Variants in TBCK observed in about 807,000 individuals in gnomAD.
TBCK encodes the protein TBC domain-containing protein kinase-like protein.
Under a neutral mutation model 113.4 loss-of-function variants are expected in TBCK, and 99 were observed. The observed-to-expected ratio is 0.87, with a 90% CI of 0.74 to 1.03. The LOEUF (loss-of-function observed/expected upper bound fraction) is 1.03, where lower values mean the gene tolerates loss of function less well. Among genes scored for constraint, TBCK ranks in the 50% least tolerant of loss-of-function variants. The pLI, the probability that TBCK is intolerant of heterozygous loss-of-function variation, is 0.00. For synonymous variants in TBCK, 369 were observed against 370.8 expected, an observed-to-expected ratio of 1.00 and a Z score of 0.05; for missense variants, 1,045 against 1,061.3, an observed-to-expected ratio of 0.98 and a Z score of 0.21.
chr4:106,183,463 C>T (rs1752638026), intron 22 of TBCK, among the ~76,000 whole-genome samples: 1 of 152,018 alleles, frequency 6.6e-6, no homozygotes, highest in African/African-American at 2.4e-5. Flanking sequence ...ATGAGCCTCA[C>T]ATATCTGTGT....
At chr4:106,271,834 A>G (rs528094968) in intron 3 of TBCK, among the ~76,000 whole-genome samples, 1 of 152,266 alleles carries the variant, frequency 6.6e-6, no homozygotes, top group African/African-American at 2.4e-5. Context: ...CAAAGAGCAC[A>G]TTGATTTCTA....
chr4:106,304,821 C>T (rs115729230), intron 2 of TBCK, among the ~76,000 whole-genome samples: 1,722 of 152,204 alleles, frequency 0.011, 34 homozygotes, highest in African/African-American at 0.04. Context: ...GGAAATTATC[C>T]TCTCCTACAC....
chr4:106,308,711 A>C lies in TBCK; in HGVS notation c.193+57T>G, dbSNP rs139382902. On this transcript the variant is annotated intron_variant, in intron 2 of 25. Transcript: ENST00000394708. ...TATATATTTAGTGGATATAGTATTT[A>C]TAACTTAGGGTAACAAAGTAGAGAA... 3.4e-5 allele frequency: 50 copies of C among 1,477,454 alleles called. No individual in the cohort carries two copies. The South Asian group carries it at 6.3e-4, about 19-fold the overall frequency. The allele number at this position is 1,477,454 out of a possible 1,614,324, so 91.5% of individuals were successfully genotyped here. A position where few individuals can be genotyped will look rare whatever the true frequency, so the allele number is the denominator to read the frequency against.
intron 19 of TBCK, among the ~76,000 whole-genome samples, chr4:106,221,291 G>A (rs1014917184): frequency 6.6e-6 from 1 of 152,016 alleles, no homozygotes; most frequent in Non-Finnish European, 1.5e-5. Context: ...GGCCAACACT[G>A]ATGATTGGAT....
intron 7 of TBCK, 125 bp from the exon 8 acceptor site, chr4:106,249,107 C>A: frequency 3.6e-6 from 2 of 550,634 alleles, no homozygotes; most frequent in Non-Finnish European, 6.1e-6. Context: ...ATACTGAAAA[C>A]TTTATCATTT....
At chr4:106,107,928 T>A (rs1339064545) in intron 24 of TBCK, among the ~76,000 whole-genome samples, 2 of 152,042 alleles carry the variant, frequency 1.3e-5, no homozygotes, top group African/African-American at 2.4e-5. Flanking sequence ...CAATTAGAAA[T>A]GACTAATGAA....
At chr4:106,180,278 A>G (rs1228821435) in intron 22 of TBCK, among the ~76,000 whole-genome samples, 1 of 151,800 alleles carries the variant, frequency 6.6e-6, no homozygotes, top group Non-Finnish European at 1.5e-5. Flanking sequence ...TGCTACTGTT[A>G]TTTTATTACT....
chr4:106,310,898 G>C (rs900237013), intron 1 of TBCK, among the ~76,000 whole-genome samples: 1 of 152,008 alleles, frequency 6.6e-6, no homozygotes, highest in Admixed American at 6.6e-5. Context: ...GATTTGAGGA[G>C]ATATTGCATC....
At chr4:106,264,929 T>C (rs1341564455) in intron 3 of TBCK, among the ~76,000 whole-genome samples, 3 of 151,944 alleles carry the variant, frequency 2.0e-5, no homozygotes, top group African/African-American at 2.4e-5. Context: ...GCATTCTTTA[T>C]TAATGGCGAG....
At position 106,241,334 on chromosome 4, in the gene TBCK, CTT is replaced by C. The variant is rs908735713; in HGVS notation, c.1170+1134_1170+1135del. ...AATACATCAATTCTCTACAAATTAACTTATCAATTCAATGCAATGTCAATCAA... is the reference window on the plus strand; with the variant it reads ...AATACATCAATTCTCTACAAATTAACATCAATTCAATGCAATGTCAATCAA... On this transcript the variant is annotated intron_variant, in intron 12 of 25. Coordinates refer to ENST00000394708, the MANE Select transcript of TBCK (RefSeq NM_001163435.3). 2.6e-5 allele frequency among the ~76,000 whole-genome samples: 4 copies of C among 151,896 alleles called. No homozygotes were observed. In the South Asian group the frequency reaches 6.2e-4, roughly 24 times the overall value.
At chr4:106,076,472 T>C (rs1283465740) in intron 25 of TBCK, among the ~76,000 whole-genome samples, 1 of 152,172 alleles carries the variant, frequency 6.6e-6, no homozygotes, top group East Asian at 1.9e-4. Flanking sequence ...ATAGACACTA[T>C]GGCTTTAGTG....
intron 23 of TBCK, among the ~76,000 whole-genome samples, chr4:106,125,356 ATATT>A (rs1745064982): frequency 1.3e-5 from 2 of 152,302 alleles, no homozygotes; most frequent in East Asian, 1.9e-4. Flanking sequence ...AAGAAAATAT[ATATT>A]TATTAATATA....
chr4:106,311,918 A>T (rs1024426947), intron 1 of TBCK, among the ~76,000 whole-genome samples: 3 of 152,288 alleles, frequency 2.0e-5, no homozygotes, highest in Non-Finnish European at 4.4e-5. Context: ...CATCCACAAA[A>T]ATCTAAGATG....
chr4:106,108,342 G>A (rs936383263), intron 24 of TBCK, among the ~76,000 whole-genome samples: 3 of 152,102 alleles, frequency 2.0e-5, no homozygotes, highest in Non-Finnish European at 4.4e-5. Context: ...GATGAATGTC[G>A]ATGCAAAAAT....
chr4:106,152,318 GTTTCCAGTATCAATTGAAATGTT>G (rs1748593414), intron 23 of TBCK, among the ~76,000 whole-genome samples: 1 of 151,802 alleles, frequency 6.6e-6, no homozygotes. Context: ...TATCAAATGT[GTTTCCAGTATCAATTGAAATGTT>G]CATATGGTTT....
Position 106,142,190 on chromosome 4 carries a change from T to G in TBCK, c.2236-25812A>C, listed in dbSNP as rs1347901887. ...TTTGCTAAGTGTTCTAGTTAATTTC[T>G]GTAGGATATCTAAACAATAATCTAT... On this transcript the variant is annotated intron_variant, in intron 23 of 25. Transcript: ENST00000394708. 2.6e-5 allele frequency among the ~76,000 whole-genome samples: 4 copies of G among 151,836 alleles called. 1 individual carries two copies. The highest frequency in any genetic ancestry group is 5.9e-5 in the Non-Finnish European group (4 of 67,888).
At chr4:106,312,567 C>T (rs978895914) in intron 1 of TBCK, among the ~76,000 whole-genome samples, 2 of 151,952 alleles carry the variant, frequency 1.3e-5, no homozygotes, top group South Asian at 2.1e-4. Flanking sequence ...TTAAAAATAT[C>T]CCTAACTTAT....
chr4:106,128,240 A>G (rs1262467324), intron 23 of TBCK, among the ~76,000 whole-genome samples: 1 of 152,218 alleles, frequency 6.6e-6, no homozygotes, highest in Non-Finnish European at 1.5e-5. Context: ...TCGACTCCCA[A>G]TTTTAGAAAA....
chr4:106,316,222 G>T (rs1768844712), upstream of TBCK: 2 of 260,014 alleles, frequency 7.7e-6, no homozygotes, highest in South Asian at 1.5e-4. Flanking sequence ...CCTCCCCTCA[G>T]CCTGGCCTTT....
Sources: gnomAD v4.1 joint callset for allele counts (sites outside exome capture counted in the v4.1 genomes callset) on GRCh38, gnomAD v4.1.1 for gene constraint, MANE v1.5 for transcripts, NCBI Gene and HGNC (gene_info 2026-07-23, HGNC 2026-07-21) for gene names.